The following SPTA1 variants were observed in gnomAD, a reference collection of about 807,000 sequenced individuals.
SPTA1 encodes spectrin alpha, erythrocytic 1.
Under a neutral mutation model 324.7 loss-of-function variants are expected in SPTA1, and 177 were observed. The ratio of observed to expected loss-of-function variants is 0.55; its 90% CI spans 0.48 to 0.62. SPTA1 has a LOEUF of 0.62. SPTA1 is among the 20% of genes least tolerant of loss of function. SPTA1 has a pLI of 0.00. For missense variants in SPTA1, 3,162 were observed against 2,883.6 expected, an observed-to-expected ratio of 1.10 and a Z score of -2.21; for synonymous variants, 1,195 against 1,041.3, an observed-to-expected ratio of 1.15 and a Z score of -2.84.
chr1:158,665,960 T>C (rs12033733), intron 16 of SPTA1, among the ~76,000 whole-genome samples: 28,554 of 151,984 alleles, frequency 0.19, 2,743 homozygotes, highest in South Asian at 0.26. Context: ...GAAGAGTTTA[T>C]GTTTAGAAAA....
intron 3 of SPTA1, 102 bp downstream of exon 3, chr1:158,683,269 G>A: frequency 6.5e-7 from 1 of 1,546,278 alleles, no homozygotes; most frequent in Non-Finnish European, 8.9e-7. Flanking sequence ...CAGGAGTCCT[G>A]GGTATAAGCC....
intron 39 of SPTA1, 71 bp downstream of exon 39, chr1:158,634,472 A>G (rs1349407660): frequency 6.3e-7 from 1 of 1,598,784 alleles, no homozygotes; most frequent in Admixed American, 1.7e-5. Flanking sequence ...ATTACAGGTA[A>G]AAACACTGAC....
Position 158,662,877 on chromosome 1 carries a change from ATCCTTAGAATC to A in SPTA1, c.2278_2288del (p.Asp760TyrfsTer13), listed in dbSNP as rs1653336116. 1 of 1,613,970 alleles carries A rather than the reference ATCCTTAGAATC, an allele frequency of 6.2e-7. No individual in the cohort carries two copies. Among genetic ancestry groups the A allele is most frequent in the Admixed American group, 1.7e-5 (1 of 60,004 alleles). ...CCAAGGACTCTTGCCTTGCCCTTAT[ATCCTTAGAATC>A]AGGATGGCCTATTTCTTCAAAATAT... On this transcript the variant is annotated frameshift_variant, in exon 17 of 52. Coordinates refer to ENST00000643759, the MANE Select transcript of SPTA1 (RefSeq NM_003126.4). LOFTEE classifies it high-confidence loss of function.
At chr1:158,643,571 G>A in intron 30 of SPTA1, 146 bp from the exon 31 acceptor site, 1 of 821,840 alleles carries the variant, frequency 1.2e-6, no homozygotes, top group East Asian at 2.7e-5. Context: ...CTTACAGGGA[G>A]GTGGGTTTCA....
rs145887497 is a variant in SPTA1, at chr1:158,641,873, C to T, written c.4737+538G>A. Among the ~76,000 whole-genome samples the T allele has an allele frequency of 8.8e-3, 1,333 of 152,210 alleles. 18 individuals are homozygous for T. Among genetic ancestry groups the T allele is most frequent in the African/African-American group, 0.03 (1,249 of 41,526 alleles). ...GACACATGCACACATATGTTTATTG[C>T]GGCACTATTCACAATAGCAAAGATT... is the stretch of plus-strand genomic sequence containing the variant. On this transcript the variant is annotated intron_variant, in intron 33 of 51. Coordinates refer to ENST00000643759, the MANE Select transcript of SPTA1 (RefSeq NM_003126.4).
Position 158,669,473 on chromosome 1 carries a change from C to T in SPTA1, c.1768G>A (p.Asp590Asn), listed in dbSNP as rs1165285701. The stretch of plus-strand genomic sequence containing the variant: ...ATCCAGTTCTTTAGGTCATCTGAGT[C>T]CTCATACAGTTTTTGCAGAAGCAAT... ...ESLLLQKLYE[D>N]SDDLKNWINK... Residue 590 changes from aspartate (D) to asparagine (N), a missense_variant, in exon 14 of 52, where the codon GAC (aspartate) becomes AAC (asparagine). Asp to Asn is a conservative substitution (Grantham distance 23). Transcript: ENST00000643759. 4.3e-6 allele frequency: 7 copies of T among 1,614,184 alleles called. No individual in the cohort carries two copies. Among genetic ancestry groups the T allele is most frequent in the Non-Finnish European group, 5.9e-6 (7 of 1,180,014 alleles).
chr1:158,613,634 T>C, intron 50 of SPTA1, 87 bp downstream of exon 50: 2 of 1,588,544 alleles, frequency 1.3e-6, no homozygotes, highest in South Asian at 2.2e-5. Context: ...TGAGTTAATT[T>C]CATGTTTTAT....
In SPTA1 at chr1:158,677,749, C is replaced by T; in HGVS notation, c.898G>A (p.Glu300Lys). ...EDYGKDLVASEGLFHSHKGLE... is the reference protein window; with the variant it reads ...EDYGKDLVASKGLFHSHKGLE... ...CCCTTGTGACTGTGAAACAGTCCTT[C>T]AGAGGCAACAAGGTCTTTGCCATAG... Residue 300 changes from glutamate to lysine, a missense_variant, in exon 7 of 52, where the codon GAA (glutamate) becomes AAA (lysine). Physicochemically the swap from Glu to Lys is moderately conservative, Grantham distance 56. Coordinates refer to ENST00000643759, the MANE Select transcript of SPTA1 (RefSeq NM_003126.4). The T allele has an allele frequency of 6.2e-7, 1 of 1,613,670 alleles. No homozygotes were observed. Among genetic ancestry groups the T allele is most frequent in the Non-Finnish European group, 8.5e-7 (1 of 1,179,756 alleles).
At position 158,643,363 on chromosome 1, in the gene SPTA1, G is replaced by T. The variant is rs775990982; in HGVS notation, c.4401C>A (p.Ala1467=). The change falls in exon 31 of 52, where the codon GCC becomes GCA. Residue 1467 remains alanine, a synonymous_variant. Coordinates refer to ENST00000643759, the MANE Select transcript of SPTA1 (RefSeq NM_003126.4). Reference sequence around the variant, plus strand: ...GGAGCCGCGTAGCAATCTCTTCTTTGGCATAGTGTTCATCAGCAATGAGGC... The same window carrying T: ...GGAGCCGCGTAGCAATCTCTTCTTTTGCATAGTGTTCATCAGCAATGAGGC... ...AESLIADEHY[A]KEEIATRLQR... is the part of the protein sequence containing the mutation. 5 of 1,613,824 alleles carry T rather than the reference G, an allele frequency of 3.1e-6. No homozygotes were observed. Among genetic ancestry groups the T allele is most frequent in the Non-Finnish European group, 4.2e-6 (5 of 1,179,894 alleles).
chr1:158,623,771 G>C (rs1650080046), intron 42 of SPTA1, among the ~76,000 whole-genome samples: 1 of 152,194 alleles, frequency 6.6e-6, no homozygotes, highest in Admixed American at 6.5e-5. Flanking sequence ...TATTAGCAGT[G>C]TGAGAACAGA....
intron 23 of SPTA1, among the ~76,000 whole-genome samples, chr1:158,651,863 AAAC>A (rs1165253550): frequency 6.6e-6 from 1 of 151,104 alleles, no homozygotes; most frequent in Non-Finnish European, 1.5e-5. Context: ...ATATTGTAAG[AAAC>A]AGCTCTAGGG....
intron 17 of SPTA1, among the ~76,000 whole-genome samples, chr1:158,662,499 G>A (rs1439383166): frequency 6.6e-6 from 1 of 152,118 alleles, no homozygotes; most frequent in East Asian, 1.9e-4. Context: ...TCATGGCATT[G>A]CTCATGTCCA....
chr1:158,650,489 T>C (rs1282161832), intron 24 of SPTA1, among the ~76,000 whole-genome samples: 2 of 152,184 alleles, frequency 1.3e-5, no homozygotes, highest in Admixed American at 1.3e-4. Context: ...GTTCATTAGA[T>C]CTTTTATGGA....
At chr1:158,617,622 A>G (rs1649635397) in intron 46 of SPTA1, 34 bp from the exon 47 acceptor site, 3 of 1,565,254 alleles carry the variant, frequency 1.9e-6, no homozygotes, top group Non-Finnish European at 2.6e-6. Flanking sequence ...ATTATGCATC[A>G]CATCACAGGT....
intron 14 of SPTA1, among the ~76,000 whole-genome samples, chr1:158,668,649 G>A (rs1025211517): frequency 2.6e-5 from 4 of 152,158 alleles, no homozygotes; most frequent in Non-Finnish European, 4.4e-5. Flanking sequence ...CATCCTGATG[G>A]TAAATGTGAA....
rs1223170373 is a variant in SPTA1, at chr1:158,617,422, A to C, written c.6600+115T>G. On this transcript the variant is annotated intron_variant, in intron 47 of 51. Coordinates refer to ENST00000643759, the MANE Select transcript of SPTA1 (RefSeq NM_003126.4). Reference sequence around the variant, plus strand: ...CATGATGTGATGGCCTATGGTTAAAATGGACTTCAGGTGATACATACCTAA... The same window carrying C: ...CATGATGTGATGGCCTATGGTTAAACTGGACTTCAGGTGATACATACCTAA... 3.7e-6 allele frequency: 3 copies of C among 813,120 alleles called. No homozygotes were observed. In the East Asian group the frequency reaches 7.9e-5, roughly 21 times the overall value. 50.4% of individuals were successfully genotyped at this position (813,120 alleles called of 1,614,324 possible).
intron 19 of SPTA1, 132 bp downstream of exon 19, chr1:158,657,345 A>G (rs1652901508): frequency 2.2e-6 from 2 of 913,446 alleles, no homozygotes; most frequent in Non-Finnish European, 3.5e-6. Flanking sequence ...ATGAAGGCCA[A>G]CGGCGACCAC....
At position 158,615,368 on chromosome 1, in the gene SPTA1, T is replaced by C. The variant is rs372849405; in HGVS notation, c.6636A>G (p.Gln2212=). 1.9e-6 allele frequency: 3 copies of C among 1,614,126 alleles called. No individual in the cohort carries two copies. Among genetic ancestry groups the C allele is most frequent in the Non-Finnish European group, 2.5e-6 (3 of 1,180,008 alleles). The change falls in exon 48 of 52, where the codon CAA becomes CAG. Residue 2212 remains glutamine, a synonymous_variant. Transcript: ENST00000643759. The stretch of plus-strand genomic sequence containing the variant: ...CCCCCAGGTCCACAATCTTGGTTAG[T>C]TGACGCTTCATCGCCTGGATCTCCT... ...KQKEIQAMKR[Q]LTKIVDLGDN...
At chr1:158,643,278 G>T (rs763174179) in intron 31 of SPTA1, 44 bp downstream of exon 31, 3 of 1,605,900 alleles carry the variant, frequency 1.9e-6, no homozygotes, top group Non-Finnish European at 2.6e-6. Flanking sequence ...AGGTCAGTTT[G>T]CTATATCTTC....
Sources: gnomAD v4.1 joint callset for allele counts (sites outside exome capture counted in the v4.1 genomes callset) on GRCh38, gnomAD v4.1.1 for gene constraint, MANE v1.5 for transcripts, NCBI Gene and HGNC (gene_info 2026-07-23, HGNC 2026-07-21) for gene names.